GRIK2: variants seen among roughly 807,000 people sequenced by gnomAD.
GRIK2 encodes glutamate ionotropic receptor kainate type subunit 2, also known as glutamate receptor ionotropic, kainate 2.
A neutral mutation model predicts 100.3 loss-of-function variants in GRIK2; 32 were observed. The ratio of observed to expected loss-of-function variants is 0.32; its 90% CI spans 0.24 to 0.43. The LOEUF is 0.43. Ranked by LOEUF, GRIK2 falls within the 20% of genes least tolerant of loss-of-function variation. The pLI is 1.00. For missense variants in GRIK2, 843 were observed against 1,114.9 expected, an observed-to-expected ratio of 0.76 and a Z score of 3.47; for synonymous variants, 417 against 389.4, an observed-to-expected ratio of 1.07 and a Z score of -0.83.
intron 7 of GRIK2, among the ~76,000 whole-genome samples, chr6:101,749,718 T>C (rs1776659871): frequency 6.6e-6 from 1 of 152,044 alleles, no homozygotes; most frequent in Non-Finnish European, 1.5e-5. Context: ...ATTCAATATT[T>C]CTAACTTCTT....
intron 4 of GRIK2, among the ~76,000 whole-genome samples, chr6:101,653,343 T>A (rs1478924585): frequency 6.6e-6 from 1 of 152,022 alleles, no homozygotes; most frequent in Admixed American, 6.6e-5. Flanking sequence ...TTTGGAGCTG[T>A]CATCCTATGC....
At chr6:101,778,556 T>C (rs966788303) in intron 7 of GRIK2, among the ~76,000 whole-genome samples, 5 of 152,158 alleles carry the variant, frequency 3.3e-5, no homozygotes, top group African/African-American at 9.7e-5. Context: ...TGGAAAATAC[T>C]AGGTTCTAAG....
At chr6:101,641,588 G>C (rs1295868779) in intron 4 of GRIK2, among the ~76,000 whole-genome samples, 2 of 151,718 alleles carry the variant, frequency 1.3e-5, no homozygotes, top group Admixed American at 1.3e-4. Context: ...GAAGAGACTA[G>C]ATCAATATTT....
intron 2 of GRIK2, among the ~76,000 whole-genome samples, chr6:101,446,965 ATATT>A (rs1222971658): frequency 3.9e-5 from 3 of 76,638 alleles, no homozygotes; most frequent in African/African-American, 1.5e-4. Flanking sequence ...ATATGCTTAT[ATATT>A]TATATATTAT....
At chr6:101,704,827 TA>T (rs1773144202) in intron 7 of GRIK2, among the ~76,000 whole-genome samples, 1 of 151,224 alleles carries the variant, frequency 6.6e-6, no homozygotes, top group African/African-American at 2.4e-5. Context: ...TTATTATAAC[TA>T]AACAAGGAAA....
intron 4 of GRIK2, among the ~76,000 whole-genome samples, chr6:101,627,851 G>C (rs767701313): frequency 6.6e-6 from 1 of 151,970 alleles, no homozygotes; most frequent in Non-Finnish European, 1.5e-5. Context: ...CATACAAATG[G>C]TTATCTTGAA....
chr6:101,662,387 C>T (rs1769693932), intron 4 of GRIK2, among the ~76,000 whole-genome samples: 1 of 152,184 alleles, frequency 6.6e-6, no homozygotes, highest in South Asian at 2.1e-4. Flanking sequence ...AATTGCCACA[C>T]TTGAGTTTCA....
chr6:101,831,607 C>A (rs756596616), intron 10 of GRIK2, among the ~76,000 whole-genome samples: 1 of 152,004 alleles, frequency 6.6e-6, no homozygotes, highest in Non-Finnish European at 1.5e-5. Flanking sequence ...ATAATACTGT[C>A]CTGTCAGTGG....
chr6:101,503,396 T>C (rs1466895203), intron 2 of GRIK2, among the ~76,000 whole-genome samples: 1 of 152,134 alleles, frequency 6.6e-6, no homozygotes, highest in Non-Finnish European at 1.5e-5. Flanking sequence ...TGTCCTACAA[T>C]TTGTTGCATC....
At position 101,572,451 on chromosome 6, in the gene GRIK2, C is replaced by A. The variant is rs1021265556; in HGVS notation, c.116-49498C>A. On this transcript the variant is annotated intron_variant, in intron 2 of 16. Coordinates refer to ENST00000369134, the MANE Select transcript of GRIK2 (RefSeq NM_021956.5). ...TGTGCGTAATACAATATGCTATAAG[C>A]ATTTTAAATACTTGTGCTAAACTGA... 1.4e-4 allele frequency among the ~76,000 whole-genome samples: 22 copies of A among 152,032 alleles called. 1 individual carries two copies. The highest frequency in any genetic ancestry group is 1.2e-3 in the Admixed American group (19 of 15,240).
intron 4 of GRIK2, among the ~76,000 whole-genome samples, chr6:101,630,473 C>A (rs1359949373): frequency 2.0e-5 from 3 of 151,930 alleles, no homozygotes; most frequent in Admixed American, 6.6e-5. Flanking sequence ...TGATGCTGAA[C>A]GTTTCTTTCA....
chr6:101,923,492 A>G (rs1789685885), intron 12 of GRIK2, among the ~76,000 whole-genome samples: 1 of 152,226 alleles, frequency 6.6e-6, no homozygotes, highest in African/African-American at 2.4e-5. Context: ...TAAGATTTCT[A>G]AAGTCATCTA....
intron 14 of GRIK2, among the ~76,000 whole-genome samples, chr6:102,018,336 T>A (rs1562115182): frequency 6.6e-6 from 1 of 152,088 alleles, no homozygotes; most frequent in African/African-American, 2.4e-5. Flanking sequence ...AGACAGAGCT[T>A]GAGTTGAGTA....
chr6:101,662,836 C>T (rs142211017), intron 4 of GRIK2, among the ~76,000 whole-genome samples: 1 of 152,160 alleles, frequency 6.6e-6, no homozygotes, highest in Admixed American at 6.5e-5. Context: ...AGGTGGTGAA[C>T]ATATACCATT....
chr6:101,451,197 G>T (rs1297186769), intron 2 of GRIK2, among the ~76,000 whole-genome samples: 1 of 151,754 alleles, frequency 6.6e-6, no homozygotes, highest in East Asian at 1.9e-4. Flanking sequence ...TCATTCCATA[G>T]CCTCCTTGAT....
intron 12 of GRIK2, among the ~76,000 whole-genome samples, chr6:101,924,010 G>A (rs1789727563): frequency 6.7e-6 from 1 of 149,208 alleles, no homozygotes; most frequent in South Asian, 2.1e-4. Flanking sequence ...CTATAATAAT[G>A]TCAGAAGCGT....
At chr6:101,727,888 A>G (rs185469782) in intron 7 of GRIK2, among the ~76,000 whole-genome samples, 24 of 152,200 alleles carry the variant, frequency 1.6e-4, no homozygotes, top group Non-Finnish European at 1.8e-4. Flanking sequence ...GTATGCATAT[A>G]TATTAGCGGT....
At chr6:101,948,445 A>G (rs1791406998) in intron 14 of GRIK2, among the ~76,000 whole-genome samples, 1 of 3,446 alleles carries the variant, frequency 2.9e-4, no homozygotes, top group African/African-American at 1.9e-3. Context: ...TCCTTAACTA[A>G]TATATATATA....
At chr6:101,839,999 A>G (rs961048827) in intron 10 of GRIK2, among the ~76,000 whole-genome samples, 4 of 152,112 alleles carry the variant, frequency 2.6e-5, no homozygotes, top group Non-Finnish European at 5.9e-5. Flanking sequence ...AGTTAAGATG[A>G]TGGTTGGTCT....
Sources: allele counts gnomAD v4.1 joint callset (sites outside exome capture counted in the v4.1 genomes callset), GRCh38; gene constraint gnomAD v4.1.1; transcripts MANE v1.5; gene names NCBI Gene and HGNC (gene_info 2026-07-23, HGNC 2026-07-21).